WDR12: variants seen among roughly 807,000 people sequenced by gnomAD.
WDR12 encodes the protein ribosome biogenesis protein WDR12.
In WDR12, 42 loss-of-function variants were observed where a neutral mutation model predicts 64.3. The observed-to-expected ratio is 0.65, with a 90% CI of 0.51 to 0.84. WDR12 has a LOEUF of 0.84. Among genes scored for constraint, WDR12 ranks in the 40% least tolerant of loss-of-function variants. The probability of loss-of-function intolerance (pLI) is 0.00; values close to 1 mark genes in which losing one functional copy is unlikely to be tolerated. For missense variants in WDR12, 469 were observed against 494.6 expected (o/e 0.95, Z 0.49); for synonymous variants, 158 against 173.3 (o/e 0.91, Z 0.70).
At chr2:202,904,558 C>A (rs116392140) in intron 2 of WDR12, among the ~76,000 whole-genome samples, 2 of 152,120 alleles carry the variant, frequency 1.3e-5, no homozygotes, top group African/African-American at 4.8e-5. Flanking sequence ...TGAACTCAAA[C>A]CTACACTGGG....
Position 202,911,431 on chromosome 2 carries a change from C to CTTACTGA in WDR12, c.41+4_41+5insTCAGTAA. On this transcript the variant is annotated splice_donor_region_variant and intron_variant, in intron 1 of 12. Coordinates refer to ENST00000261015, the MANE Select transcript of WDR12 (RefSeq NM_018256.4). The stretch of plus-strand genomic sequence containing the variant: ...AAGGGAGAGAAGGCTGGAACGCTTA[C>CTTACTGA]TTACTTCTTGTTATCAGTGTAGAAG... 6.2e-7 allele frequency: 1 copy of CTTACTGA among 1,614,094 alleles called. No individual in the cohort carries two copies.
rs930222231 is a variant in WDR12, at chr2:202,880,715, A to C, written c.*145T>G. The C allele has an allele frequency of 2.0e-6, 1 of 495,464 alleles. No homozygotes were observed. The highest frequency in any genetic ancestry group is 2.0e-5 in the African/African-American group (1 of 50,622). The allele number at this position is 495,464 out of a possible 1,614,324, so 30.7% of individuals were successfully genotyped here. ...CTTATTATAAATACAAAATAAGAAA[A>C]AGTGATACGTTAGCTGTTATGAAGG... is the stretch of plus-strand genomic sequence containing the variant. On this transcript the variant is annotated 3_prime_UTR_variant, in exon 13 of 13. Transcript: ENST00000261015.
Position 202,883,664 on chromosome 2 carries a change from G to C in WDR12, c.1066C>G (p.Gln356Glu). ...TSVKWSPTHE[Q>E]QLISGSLDNI... The stretch of plus-strand genomic sequence containing the variant: ...TCTAAAGATCCTGAAATCAGCTGCT[G>C]TTCATGGGTAGGAGACCATTTTACT... The change falls in exon 11 of 13, where the codon CAG becomes GAG. Residue 356 changes from glutamine to glutamate, a missense_variant. By Grantham distance (29) the Gln-to-Glu change is conservative. Coordinates refer to ENST00000261015, the MANE Select transcript of WDR12 (RefSeq NM_018256.4). 1.2e-6 allele frequency: 2 copies of C among 1,614,116 alleles called. No homozygotes were observed. Among genetic ancestry groups the C allele is most frequent in the Non-Finnish European group, 1.7e-6 (2 of 1,180,022 alleles).
At chr2:202,885,889 G>C (rs567315283) in intron 8 of WDR12, among the ~76,000 whole-genome samples, 1 of 151,986 alleles carries the variant, frequency 6.6e-6, no homozygotes, top group East Asian at 1.9e-4. Context: ...GTAAGACCCC[G>C]TCTCTACTAA....
intron 2 of WDR12, among the ~76,000 whole-genome samples, chr2:202,905,048 C>T (rs187436158): frequency 1.2e-4 from 18 of 152,278 alleles, no homozygotes; most frequent in Admixed American, 1.0e-3. Flanking sequence ...ATTCAAATGG[C>T]AAACAGGTAA....
chr2:202,887,963 A>G (rs1360124767), intron 8 of WDR12, among the ~76,000 whole-genome samples: 3 of 152,170 alleles, frequency 2.0e-5, no homozygotes, highest in Admixed American at 1.3e-4. Flanking sequence ...TGAATAAGCT[A>G]TACCATTCCT....
intron 1 of WDR12, among the ~76,000 whole-genome samples, chr2:202,910,427 G>A (rs2105913957): frequency 6.6e-6 from 1 of 152,162 alleles, no homozygotes; most frequent in East Asian, 1.9e-4. Flanking sequence ...GGAGGCTGAG[G>A]CGGGAAGATT....
chr2:202,906,958 ATTT>A (rs112645694), intron 2 of WDR12, among the ~76,000 whole-genome samples: 2 of 145,204 alleles, frequency 1.4e-5, no homozygotes, highest in African/African-American at 2.5e-5. Context: ...AAACTTCAAC[ATTT>A]TTTTTTTTTT....
Position 202,892,722 on chromosome 2 carries a change from A to C in WDR12, c.656-20T>G. 1 of 1,567,046 alleles carries C rather than the reference A, an allele frequency of 6.4e-7. No individual in the cohort carries two copies. ...TAGGGACTGTGTCATAGAGAATTAG[A>C]TTTGACATTTTAAAAACAGTATTAA... is the stretch of plus-strand genomic sequence containing the variant. On this transcript the variant is annotated intron_variant, in intron 7 of 12. Transcript: ENST00000261015.
intron 4 of WDR12, among the ~76,000 whole-genome samples, chr2:202,899,199 C>G (rs776088141): frequency 6.6e-6 from 1 of 151,746 alleles, no homozygotes; most frequent in African/African-American, 2.4e-5. Flanking sequence ...CCCACCACCA[C>G]GCCCGGCTAA....
Position 202,897,392 on chromosome 2 carries a change from T to C in WDR12, c.362A>G (p.Lys121Arg). ...EEWILTGSYD[K>R]TSRIWSLEGK... ...TTCCAAGGACCAGATCCGAGAAGTC[T>C]TATCATAAGAACCAGTCAAGATCCT... Residue 121 changes from lysine (K) to arginine (R), a missense_variant, in exon 5 of 13, where the codon AAG becomes AGG. Coordinates refer to ENST00000261015, the MANE Select transcript of WDR12 (RefSeq NM_018256.4). 6.3e-7 allele frequency: 1 copy of C among 1,586,898 alleles called. No homozygotes were observed. Among genetic ancestry groups the C allele is most frequent in the Non-Finnish European group, 8.6e-7 (1 of 1,169,336 alleles).
In WDR12 at chr2:202,884,380, C is replaced by A. The variant is rs1259511147; in HGVS notation, c.882+15G>T. Reference sequence around the variant, plus strand: ...TAGAAGTTTATCACTTAAAAGAACACTGAATTTGTCTTACCAAAGTTGACT... The same window carrying A: ...TAGAAGTTTATCACTTAAAAGAACAATGAATTTGTCTTACCAAAGTTGACT... On this transcript the variant is annotated intron_variant, in intron 9 of 12. Transcript: ENST00000261015. The A allele has an allele frequency of 1.2e-6, 2 of 1,613,732 alleles. No individual in the cohort carries two copies. The highest frequency in any genetic ancestry group is 2.7e-5 in the African/African-American group (2 of 74,902).
chr2:202,884,129 A>C, intron 10 of WDR12, 69 bp downstream of exon 10: 3 of 1,484,718 alleles, frequency 2.0e-6, no homozygotes, highest in Admixed American at 1.9e-5. Context: ...CTTTTTTTGT[A>C]CATCTCCAGA....
intron 1 of WDR12, among the ~76,000 whole-genome samples, chr2:202,909,746 C>T (rs1423380679): frequency 6.6e-6 from 1 of 151,812 alleles, no homozygotes; most frequent in Non-Finnish European, 1.5e-5. Flanking sequence ...ATTTTACTGA[C>T]CATAATATTA....
chr2:202,892,618 C>A lies in WDR12; in HGVS notation c.740G>T (p.Arg247Met), dbSNP rs752535883. 4.3e-6 allele frequency: 7 copies of A among 1,611,098 alleles called. No homozygotes were observed. The highest frequency in any genetic ancestry group is 5.9e-6 in the Non-Finnish European group (7 of 1,177,928). ...KQKTEQLGLTRTPIVTLSGHM... is the reference protein window; with the variant it reads ...KQKTEQLGLTMTPIVTLSGHM... ...CAGTCAGTTCTCACAAATACTGACC[C>A]TTGTTAGTCCCAACTGTTCTGTCTT... Residue 247 changes from arginine (R) to methionine (M), a missense_variant and splice_region_variant, in exon 8 of 13, where the codon AGG (arginine) becomes ATG (methionine). Arg to Met is a moderately conservative substitution (Grantham distance 91). Coordinates refer to ENST00000261015, the MANE Select transcript of WDR12 (RefSeq NM_018256.4).
At chr2:202,901,990 G>A (rs988599643) in intron 2 of WDR12, among the ~76,000 whole-genome samples, 10 of 152,066 alleles carry the variant, frequency 6.6e-5, no homozygotes, top group African/African-American at 2.2e-4. Context: ...ATATCAGTCT[G>A]ATTCTATCCA....
In WDR12 at chr2:202,907,953, G is replaced by A. The variant is rs145877750; in HGVS notation, c.48C>T (p.Ala16=). The A allele has an allele frequency of 1.2e-4, 189 of 1,613,532 alleles. No individual in the cohort carries two copies. In the African/African-American group the frequency reaches 1.6e-3, roughly 13 times the overall value. The change falls in exon 2 of 13, where the codon GCC becomes GCT. Residue 16 remains alanine (A), a synonymous_variant. Coordinates refer to ENST00000261015, the MANE Select transcript of WDR12 (RefSeq NM_018256.4). The part of the protein sequence containing the change: ...TRFYTDNKKY[A]VDDVPFSIPA... ...GGATTGAGAAGGGAACATCATCTAC[G>A]GCATATCTATAAAAAGGAAATGATA... is the stretch of plus-strand genomic sequence containing the variant.
chr2:202,910,572 A>C (rs1419782000), intron 1 of WDR12, among the ~76,000 whole-genome samples: 3 of 152,146 alleles, frequency 2.0e-5, no homozygotes, highest in East Asian at 3.8e-4. Flanking sequence ...TATTTCAAAA[A>C]ATTTTATTTT....
chr2:202,899,847 T>G (rs1688318660), intron 3 of WDR12, among the ~76,000 whole-genome samples: 1 of 152,138 alleles, frequency 6.6e-6, no homozygotes, highest in South Asian at 2.1e-4. Flanking sequence ...TAGCTTGGCA[T>G]GGTGACTCAC....
Sources: gnomAD v4.1 joint callset for allele counts (sites outside exome capture counted in the v4.1 genomes callset) on GRCh38, gnomAD v4.1.1 for gene constraint, MANE v1.5 for transcripts, NCBI Gene and HGNC (gene_info 2026-07-23, HGNC 2026-07-21) for gene names.